Variants in IQGAP2 observed in about 807,000 individuals in gnomAD.
The protein encoded by IQGAP2 is IQ motif containing GTPase activating protein 2.
IQGAP2 carries 173 observed loss-of-function variants against 201.3 expected under a neutral mutation model. That is an observed-to-expected ratio of 0.86 (90% CI 0.76 to 0.98). The LOEUF is 0.98. Among genes scored for constraint, IQGAP2 ranks in the 50% least tolerant of loss-of-function variants. The pLI is 0.00. For missense variants in IQGAP2, 1,687 were observed against 1,864.8 expected (o/e 0.90, Z 1.76); for synonymous variants, 675 against 673.9 (o/e 1.00, Z -0.03).
At chr5:76,415,702 G>A (rs1002767663) in intron 1 of IQGAP2, among the ~76,000 whole-genome samples, 1 of 152,242 alleles carries the variant, frequency 6.6e-6, no homozygotes, top group Non-Finnish European at 1.5e-5. Flanking sequence ...ACCACTTTGG[G>A]AGGCTGAGGC....
chr5:76,652,984 C>T (rs1240289699), intron 18 of IQGAP2, 151 bp downstream of exon 18: 1 of 609,398 alleles, frequency 1.6e-6, no homozygotes, highest in Non-Finnish European at 2.9e-6. Context: ...TTCTGCTGCT[C>T]ATTTACCTAA....
chr5:76,564,947 C>T (rs1744642453), intron 3 of IQGAP2, among the ~76,000 whole-genome samples: 1 of 152,224 alleles, frequency 6.6e-6, no homozygotes, highest in Non-Finnish European at 1.5e-5. Flanking sequence ...GAAAGGACCC[C>T]TCTGTGGATT....
chr5:76,589,072 G>A (rs1746445810), intron 6 of IQGAP2, 99 bp downstream of exon 6: 6 of 670,808 alleles, frequency 8.9e-6, no homozygotes, highest in Admixed American at 2.3e-5. Context: ...CCAGCACTTT[G>A]GGAGGCCGAG....
In IQGAP2 at chr5:76,637,174, G is replaced by A. The variant is rs768691178; in HGVS notation, c.1921G>A (p.Glu641Lys). The A allele has an allele frequency of 8.1e-6, 13 of 1,599,832 alleles. No homozygotes were observed. Among genetic ancestry groups the A allele is most frequent in the Middle Eastern group, 3.3e-4 (2 of 5,982 alleles). The change falls in exon 16 of 36, where the codon GAG becomes AAG. Residue 641 changes from glutamate to lysine, a missense_variant and splice_region_variant. Physicochemically the swap from Glu to Lys is moderately conservative, Grantham distance 56. Transcript: ENST00000274364. ...ATCATGGCTCACAGGAAAAGAAATC[G>A]AGGTAGGAGGTTGGTGTTTGATGGA... ...KESWLTGKEI[E>K]DIIEEVTVGY... is the part of the protein sequence containing the mutation.
intron 2 of IQGAP2, among the ~76,000 whole-genome samples, chr5:76,499,884 T>C (rs1006540406): frequency 3.3e-5 from 5 of 152,116 alleles, no homozygotes; most frequent in African/African-American, 4.8e-5. Flanking sequence ...GGCAAGAGGA[T>C]TGCTTGAGCC....
chr5:76,669,388 G>A (rs1744085755), intron 23 of IQGAP2, among the ~76,000 whole-genome samples: 1 of 152,188 alleles, frequency 6.6e-6, no homozygotes, highest in African/African-American at 2.4e-5. Context: ...GGGAGCACGG[G>A]AGCCAGGCAC....
chr5:76,441,510 C>A (rs576030519), intron 1 of IQGAP2: 2 of 985,276 alleles, frequency 2.0e-6, no homozygotes, highest in East Asian at 2.3e-4. Context: ...AGAAAGCGAG[C>A]ATGTTGGTAA....
chr5:76,559,804 A>G (rs1449620131), intron 2 of IQGAP2, among the ~76,000 whole-genome samples: 3 of 152,120 alleles, frequency 2.0e-5, no homozygotes, highest in Admixed American at 1.3e-4. Context: ...CACGTCCCAA[A>G]GATGTGCATG....
At chr5:76,545,837 CT>C (rs1185422865) in intron 2 of IQGAP2, among the ~76,000 whole-genome samples, 1 of 152,234 alleles carries the variant, frequency 6.6e-6, no homozygotes, top group East Asian at 1.9e-4. Flanking sequence ...ACTATTTCAA[CT>C]TTCCTCCATT....
At chr5:76,670,525 T>A (rs1237256004) in intron 23 of IQGAP2, among the ~76,000 whole-genome samples, 3 of 151,188 alleles carry the variant, frequency 2.0e-5, no homozygotes, top group Non-Finnish European at 4.4e-5. Context: ...AAAAATAAAA[T>A]AAACAAAACT....
rs775205854 is a variant in IQGAP2 at position 76,698,068 on chromosome 5, A to C, written c.4288A>C (p.Lys1430Gln). The C allele has an allele frequency of 1.9e-6, 3 of 1,613,148 alleles. No individual in the cohort carries two copies. Among genetic ancestry groups the C allele is most frequent in the South Asian group, 2.2e-5 (2 of 91,048 alleles). Residue 1430 changes from lysine to glutamine, a missense_variant, in exon 33 of 36, where the codon AAG (lysine) becomes CAG (glutamine). Physicochemically the swap from Lys to Gln is moderately conservative, Grantham distance 53. Transcript: ENST00000274364. ...KLQQTLNALN[K>Q]KAAFYEEQIN... ...TCAGCAGACCCTGAATGCACTTAAC[A>C]AGAAGGCAGCATTTTATGAAGAGCA...
intron 1 of IQGAP2, among the ~76,000 whole-genome samples, chr5:76,407,873 G>A (rs1750881069): frequency 6.6e-6 from 1 of 152,196 alleles, no homozygotes; most frequent in Non-Finnish European, 1.5e-5. Context: ...GCTCACACCT[G>A]TAATCCCAGG....
Position 76,525,429 on chromosome 5 carries a change from G to T in IQGAP2, c.147-36967G>T, listed in dbSNP as rs538060752. On this transcript the variant is annotated intron_variant, in intron 2 of 35. Coordinates refer to ENST00000274364, the MANE Select transcript of IQGAP2 (RefSeq NM_006633.5). ...TAAGAACTGCTTAATAGGAGACAGT[G>T]CATTAGTTGATTTAGTGGTTGAATT... 1.6e-4 allele frequency among the ~76,000 whole-genome samples: 24 copies of T among 152,150 alleles called. No homozygotes were observed. The South Asian group carries it at 4.2e-3, about 26-fold the overall frequency.
chr5:76,417,530 C>A (rs183242050), intron 1 of IQGAP2, among the ~76,000 whole-genome samples: 430 of 152,226 alleles, frequency 2.8e-3, no homozygotes, highest in Admixed American at 4.4e-3. Flanking sequence ...AGTGATCCAC[C>A]CACCTTGGCC....
chr5:76,628,096 C>G (rs948514491), intron 14 of IQGAP2, among the ~76,000 whole-genome samples: 5 of 152,188 alleles, frequency 3.3e-5, no homozygotes, highest in African/African-American at 1.2e-4. Flanking sequence ...GAAGGCCAGG[C>G]CCCTTGAGGA....
At chr5:76,454,433 C>T (rs1248583462) in intron 1 of IQGAP2, among the ~76,000 whole-genome samples, 1 of 142,174 alleles carries the variant, frequency 7.0e-6, no homozygotes, top group African/African-American at 2.6e-5. Flanking sequence ...TAATGCTATC[C>T]CTCTCCCCTC....
chr5:76,432,769 A>T (rs1378916202), intron 1 of IQGAP2, among the ~76,000 whole-genome samples: 4 of 152,228 alleles, frequency 2.6e-5, no homozygotes, highest in African/African-American at 9.6e-5. Context: ...ATAAGTGATT[A>T]TGAGAAGATC....
rs556852089 is a variant in IQGAP2 at position 76,636,084 on chromosome 5, T to C, written c.1781-950T>C. On this transcript the variant is annotated intron_variant, in intron 15 of 35. Transcript: ENST00000274364. ...AAGCCAAATGAAGCATCAACACATA[T>C]TAAAGAGCCTTAAAGTTACCCCTGC... 8.6e-4 allele frequency among the ~76,000 whole-genome samples: 131 copies of C among 152,272 alleles called. 1 individual carries two copies. The highest frequency in any genetic ancestry group is 2.7e-3 in the African/African-American group (114 of 41,558).
rs552809910 is a variant in IQGAP2 at position 76,538,267 on chromosome 5, C to T, written c.147-24129C>T. ...AAGACCCGCCTCCATGATCCAATTA[C>T]CTTCCACTGGGTCGCTCCCACGACA... is the stretch of plus-strand genomic sequence containing the variant. On this transcript the variant is annotated intron_variant, in intron 2 of 35. Coordinates refer to ENST00000274364, the MANE Select transcript of IQGAP2 (RefSeq NM_006633.5). 9.8e-5 allele frequency among the ~76,000 whole-genome samples: 15 copies of T among 152,330 alleles called. No homozygotes were observed. In the South Asian group the frequency reaches 2.1e-3, roughly 21 times the overall value.
Sources: allele counts gnomAD v4.1 joint callset (sites outside exome capture counted in the v4.1 genomes callset), GRCh38; gene constraint gnomAD v4.1.1; transcripts MANE v1.5; gene names NCBI Gene and HGNC (gene_info 2026-07-23, HGNC 2026-07-21).